Variants in SUGCT observed in about 807,000 individuals in gnomAD.
SUGCT encodes succinyl-CoA:glutarate-CoA transferase, also known as succinyl-CoA:glutarate CoA-transferase.
In SUGCT, 41 loss-of-function variants were observed where a neutral mutation model predicts 55.0. The ratio of observed to expected loss-of-function variants is 0.74; its 90% CI spans 0.58 to 0.97. The LOEUF is 0.97. Ranked by LOEUF, SUGCT falls within the 50% of genes least tolerant of loss-of-function variation. The probability of loss-of-function intolerance (pLI) is 0.00; values close to 1 mark genes in which losing one functional copy is unlikely to be tolerated. For synonymous variants in SUGCT, 187 were observed against 200.4 expected (o/e 0.93, Z 0.56); for missense variants, 568 against 547.8 (o/e 1.04, Z -0.37).
At chr7:40,803,878 C>T (rs931260508) in intron 13 of SUGCT, among the ~76,000 whole-genome samples, 6 of 152,114 alleles carry the variant, frequency 3.9e-5, no homozygotes, top group Non-Finnish European at 7.3e-5. Context: ...TTACAATCTA[C>T]AGTGGGAAGG....
chr7:40,448,985 AAGAG>A (rs150016898), intron 9 of SUGCT, among the ~76,000 whole-genome samples: 3 of 121,494 alleles, frequency 2.5e-5, no homozygotes, highest in Admixed American at 8.0e-5. Context: ...GAGAGAGAGA[AAGAG>A]AGAGAGAGAG....
chr7:40,420,521 T>A (rs776294846), intron 9 of SUGCT, among the ~76,000 whole-genome samples: 1 of 152,052 alleles, frequency 6.6e-6, no homozygotes, highest in Admixed American at 6.5e-5. Context: ...GTATTTTTAG[T>A]AGAGACAACG....
chr7:40,661,957 A>G (rs866872658), intron 12 of SUGCT, among the ~76,000 whole-genome samples: 1 of 152,220 alleles, frequency 6.6e-6, no homozygotes, highest in Non-Finnish European at 1.5e-5. Context: ...TCAGTCTGCA[A>G]CTAAGGTCCA....
chr7:40,983,582 A>G, the SUGCT span, among the ~76,000 whole-genome samples: 1 of 152,154 alleles, frequency 6.6e-6, no homozygotes, highest in Non-Finnish European at 1.5e-5. Flanking sequence ...CTTTGCTGCC[A>G]TTTAGCCCAG....
chr7:40,967,045 C>T, the SUGCT span: 3 of 152,154 alleles, frequency 2.0e-5, no homozygotes, highest in Non-Finnish European at 4.4e-5. Context: ...CATCATGGAA[C>T]CCTGGGCATT....
At chr7:40,226,976 A>AT (rs535202112) in intron 6 of SUGCT, among the ~76,000 whole-genome samples, 1 of 150,856 alleles carries the variant, frequency 6.6e-6, no homozygotes, top group East Asian at 1.9e-4. Flanking sequence ...AAACTAAATA[A>AT]TTTTTTTAAC....
intron 13 of SUGCT, among the ~76,000 whole-genome samples, chr7:40,791,748 C>T (rs1171011796): frequency 2.6e-5 from 4 of 152,044 alleles, no homozygotes; most frequent in Non-Finnish European, 5.9e-5. Context: ...TATTTCAGTC[C>T]AAATTCCTAA....
intron 12 of SUGCT, among the ~76,000 whole-genome samples, chr7:40,623,922 A>G (rs1799394823): frequency 6.6e-6 from 1 of 152,206 alleles, no homozygotes. Flanking sequence ...TCTCTGGGAT[A>G]CTGGGTTTTG....
chr7:40,311,530 G>A (rs1337205065), intron 8 of SUGCT, among the ~76,000 whole-genome samples: 2 of 151,916 alleles, frequency 1.3e-5, no homozygotes, highest in Non-Finnish European at 2.9e-5. Flanking sequence ...CTTTCATTTC[G>A]TTTCAGTCTC....
chr7:40,321,903 G>A (rs1217870315), intron 9 of SUGCT, among the ~76,000 whole-genome samples: 1 of 152,158 alleles, frequency 6.6e-6, no homozygotes, highest in Non-Finnish European at 1.5e-5. Flanking sequence ...GTGAATGCAA[G>A]TATCTTTTTG....
chr7:40,468,637 A>G (rs1790250505), intron 11 of SUGCT, among the ~76,000 whole-genome samples: 1 of 151,796 alleles, frequency 6.6e-6, no homozygotes, highest in African/African-American at 2.4e-5. Flanking sequence ...TTTAGAAGGC[A>G]TGGAAGGAAA....
At chr7:40,637,312 C>T (rs563526967) in intron 12 of SUGCT, among the ~76,000 whole-genome samples, 1 of 152,146 alleles carries the variant, frequency 6.6e-6, no homozygotes, top group African/African-American at 2.4e-5. Context: ...TAAGACTGAC[C>T]ACCTAGTGAA....
the SUGCT span, among the ~76,000 whole-genome samples, chr7:41,004,048 A>T: frequency 6.6e-6 from 1 of 152,158 alleles, no homozygotes; most frequent in Non-Finnish European, 1.5e-5. Context: ...ATCCCTAGGC[A>T]TCTTTCTATT....
intron 12 of SUGCT, among the ~76,000 whole-genome samples, chr7:40,637,401 G>A (rs1227342980): frequency 6.6e-6 from 1 of 152,176 alleles, no homozygotes; most frequent in Non-Finnish European, 1.5e-5. Context: ...ATCAAGGAGA[G>A]GTATGGCTGA....
intron 12 of SUGCT, among the ~76,000 whole-genome samples, chr7:40,626,342 C>T (rs1299114517): frequency 5.3e-5 from 8 of 151,736 alleles, no homozygotes; most frequent in East Asian, 1.9e-4. Flanking sequence ...CTACAACCTC[C>T]GCCTCCCAGG....
chr7:40,722,131 C>T (rs181949132), intron 12 of SUGCT, among the ~76,000 whole-genome samples: 12 of 151,930 alleles, frequency 7.9e-5, no homozygotes, highest in African/African-American at 2.7e-4. Context: ...GGTAGAGGAC[C>T]TCCTCTTTTG....
chr7:40,443,501 G>T (rs1298891673), intron 9 of SUGCT, among the ~76,000 whole-genome samples: 1 of 152,074 alleles, frequency 6.6e-6, no homozygotes, highest in African/African-American at 2.4e-5. Context: ...TCATGTGTCT[G>T]TTGGCTGCAT....
intron 13 of SUGCT, among the ~76,000 whole-genome samples, chr7:40,856,182 T>G (rs1563052099): frequency 6.6e-6 from 1 of 152,362 alleles, no homozygotes; most frequent in East Asian, 1.9e-4. Context: ...CAACATGATC[T>G]CATCCATGTG....
At chr7:40,797,636 T>A (rs1256763332) in intron 13 of SUGCT, among the ~76,000 whole-genome samples, 1 of 152,226 alleles carries the variant, frequency 6.6e-6, no homozygotes, top group Admixed American at 6.5e-5. Context: ...CTTTCTCATG[T>A]CCAACCTTTG....
Sources: gnomAD v4.1 joint callset for allele counts (sites outside exome capture counted in the v4.1 genomes callset) on GRCh38, gnomAD v4.1.1 for gene constraint, MANE v1.5 for transcripts, NCBI Gene and HGNC (gene_info 2026-07-23, HGNC 2026-07-21) for gene names.